Variants in RORA observed in about 807,000 individuals in gnomAD.
RORA encodes the protein RAR related orphan receptor A, also known as nuclear receptor ROR-alpha.
A neutral mutation model predicts 69.5 loss-of-function variants in RORA; 7 were observed. That is an observed-to-expected ratio of 0.10 (90% CI 0.06 to 0.19). The LOEUF (loss-of-function observed/expected upper bound fraction) is 0.19, where lower values mean the gene tolerates loss of function less well. Among genes scored for constraint, RORA ranks in the 10% least tolerant of loss-of-function variants. The pLI, the probability that RORA is intolerant of heterozygous loss-of-function variation, is 1.00. For synonymous variants in RORA, 261 were observed against 240.8 expected (o/e 1.08, Z -0.78); for missense variants, 457 against 663.0 (o/e 0.69, Z 3.41).
rs558957200 is a variant in RORA at position 60,921,435 on chromosome 15, T to A, written c.167-242749A>T. On this transcript the variant is annotated intron_variant, in intron 1 of 10. Coordinates refer to ENST00000335670, the MANE Select transcript of RORA (RefSeq NM_134261.3). ...AAGAAGCCGTCCATAAAAGAGTACA[T>A]AGCACATGATTCAATTTAAATGAGG... Among the ~76,000 whole-genome samples the A allele has an allele frequency of 2.6e-5, 4 of 152,294 alleles. No individual in the cohort carries two copies. In the East Asian group the frequency reaches 5.8e-4, roughly 22 times the overall value.
intron 1 of RORA, among the ~76,000 whole-genome samples, chr15:60,737,972 G>A (rs2071524800): frequency 6.6e-6 from 1 of 152,230 alleles, no homozygotes; most frequent in Non-Finnish European, 1.5e-5. Flanking sequence ...CAAGTTAAGT[G>A]CGTATTATTT....
chr15:60,828,391 G>A (rs1305989888), intron 1 of RORA, among the ~76,000 whole-genome samples: 1 of 152,196 alleles, frequency 6.6e-6, no homozygotes, highest in African/African-American at 2.4e-5. Flanking sequence ...GGCTCCAGAA[G>A]GAAAGAGAAT....
chr15:60,707,497 G>A (rs2071081088), intron 1 of RORA, among the ~76,000 whole-genome samples: 1 of 151,954 alleles, frequency 6.6e-6, no homozygotes, highest in Non-Finnish European at 1.5e-5. Flanking sequence ...CCGAGTAGCT[G>A]GGTCTACAGG....
chr15:61,000,061 G>GT lies in RORA; in HGVS notation c.166+228991dup, dbSNP rs887214543. ...TCAGATCAACAGCTGGAAAAGCAAA[G>GT]TTTTTTTTTTTAAGTGTTAACATTT... is the stretch of plus-strand genomic sequence containing the variant. On this transcript the variant is annotated intron_variant, in intron 1 of 10. Transcript: ENST00000335670. Among the ~76,000 whole-genome samples, 562 of 147,364 alleles carry GT rather than the reference G, an allele frequency of 3.8e-3. 1 individual carries two copies. The highest frequency in any genetic ancestry group is 0.012 in the African/African-American group (476 of 40,404).
At chr15:60,705,314 T>C (rs1231036610) in intron 1 of RORA, among the ~76,000 whole-genome samples, 1 of 152,178 alleles carries the variant, frequency 6.6e-6, no homozygotes, top group African/African-American at 2.4e-5. Context: ...AAATGAATAT[T>C]GGGTTGAGTT....
chr15:61,148,552 A>C (rs2079371090), intron 1 of RORA, among the ~76,000 whole-genome samples: 1 of 152,218 alleles, frequency 6.6e-6, no homozygotes, highest in African/African-American at 2.4e-5. Flanking sequence ...TCAAGTAGCA[A>C]TAAAATACCT....
intron 1 of RORA, among the ~76,000 whole-genome samples, chr15:60,739,213 G>A (rs1002502253): frequency 5.3e-5 from 8 of 152,136 alleles, no homozygotes; most frequent in South Asian, 2.1e-4. Context: ...TGAAGGCAAC[G>A]TAGAAACCCG....
chr15:61,227,131 G>T (rs1436046683), intron 1 of RORA, among the ~76,000 whole-genome samples: 2 of 135,642 alleles, frequency 1.5e-5, no homozygotes, highest in South Asian at 2.2e-4. Flanking sequence ...CACAGGGTGT[G>T]GGGGGGTCAA....
At chr15:60,911,747 T>G (rs1321156287) in intron 1 of RORA, among the ~76,000 whole-genome samples, 4 of 149,394 alleles carry the variant, frequency 2.7e-5, no homozygotes, top group Non-Finnish European at 5.9e-5. Context: ...TCCCCCAGGC[T>G]GGAGTGCAAT....
chr15:60,934,017 C>T (rs1223924328), intron 1 of RORA, among the ~76,000 whole-genome samples: 1 of 152,214 alleles, frequency 6.6e-6, no homozygotes, highest in East Asian at 1.9e-4. Flanking sequence ...AAAGAAACAC[C>T]TACTTAGCAT....
intron 1 of RORA, among the ~76,000 whole-genome samples, chr15:61,134,742 T>C (rs1407544358): frequency 6.6e-6 from 1 of 152,094 alleles, no homozygotes; most frequent in Non-Finnish European, 1.5e-5. Context: ...GCAGTATACA[T>C]GACACAAGCA....
intron 1 of RORA, among the ~76,000 whole-genome samples, chr15:61,215,031 A>AGTTTTTTTTTT (rs1491564825): frequency 1.2e-5 from 1 of 80,626 alleles, no homozygotes. Flanking sequence ...CGCCCAGCTA[A>AGTTTTTTTTTT]TTTTTTTTTT....
At chr15:60,790,261 T>A (rs377484949) in intron 1 of RORA, among the ~76,000 whole-genome samples, 46 of 152,348 alleles carry the variant, frequency 3.0e-4, no homozygotes, top group Middle Eastern at 6.8e-3. Flanking sequence ...CATGTCTGTA[T>A]AATTGGAGTG....
intron 1 of RORA, among the ~76,000 whole-genome samples, chr15:60,716,002 A>G (rs935350747): frequency 2.0e-5 from 3 of 152,200 alleles, no homozygotes; most frequent in African/African-American, 4.8e-5. Context: ...AGCATCTTTA[A>G]TTATCATTTC....
intron 1 of RORA, among the ~76,000 whole-genome samples, chr15:60,865,488 T>C (rs2073477627): frequency 6.6e-6 from 1 of 152,192 alleles, no homozygotes; most frequent in Non-Finnish European, 1.5e-5. Context: ...ACTTTAAGCA[T>C]TGGTAATGGG....
intron 1 of RORA, among the ~76,000 whole-genome samples, chr15:61,130,360 GA>G (rs1291470848): frequency 1.3e-5 from 2 of 151,956 alleles, no homozygotes; most frequent in Non-Finnish European, 2.9e-5. Flanking sequence ...TTCACATGTG[GA>G]AAAAAACAAA....
At chr15:60,527,138 A>G (rs556649560) in intron 3 of RORA, among the ~76,000 whole-genome samples, 2 of 152,230 alleles carry the variant, frequency 1.3e-5, no homozygotes, top group Admixed American at 1.3e-4. Flanking sequence ...TTTTAAATGT[A>G]ATCAGAAACC....
intron 1 of RORA, among the ~76,000 whole-genome samples, chr15:60,827,957 T>G (rs1404117396): frequency 6.6e-6 from 1 of 152,186 alleles, no homozygotes; most frequent in Non-Finnish European, 1.5e-5. Context: ...TTGGCATGTA[T>G]TTGGTGCTCA....
chr15:61,132,501 A>G (rs2079199437), intron 1 of RORA, among the ~76,000 whole-genome samples: 1 of 152,212 alleles, frequency 6.6e-6, no homozygotes, highest in Non-Finnish European at 1.5e-5. Context: ...TCTTTTCAAT[A>G]TTATTTTTAT....
Sources: gnomAD v4.1 joint callset for allele counts (sites outside exome capture counted in the v4.1 genomes callset) on GRCh38, gnomAD v4.1.1 for gene constraint, MANE v1.5 for transcripts, NCBI Gene and HGNC (gene_info 2026-07-23, HGNC 2026-07-21) for gene names.